SDK1: variants seen among roughly 807,000 people sequenced by gnomAD.
The protein encoded by SDK1 is sidekick cell adhesion molecule 1.
Under a neutral mutation model 245.5 loss-of-function variants are expected in SDK1, and 157 were observed. The ratio of observed to expected loss-of-function variants is 0.64; its 90% CI spans 0.56 to 0.73. The LOEUF (loss-of-function observed/expected upper bound fraction) is 0.73. Among genes scored for constraint, SDK1 ranks in the 30% least tolerant of loss-of-function variants. The pLI is 0.00. For synonymous variants in SDK1, 1,647 were observed against 1,278.5 expected (o/e 1.29, Z -6.15); for missense variants, 3,583 against 3,002.3 (o/e 1.19, Z -4.52).
chr7:3,456,083 T>A (rs1780655778), intron 1 of SDK1, among the ~76,000 whole-genome samples: 1 of 152,234 alleles, frequency 6.6e-6, no homozygotes, highest in Admixed American at 6.5e-5. Flanking sequence ...TGGTTTCTGT[T>A]GAGAAGTCTG....
intron 1 of SDK1, among the ~76,000 whole-genome samples, chr7:3,473,024 C>G (rs998447619): frequency 1.3e-5 from 2 of 152,174 alleles, no homozygotes; most frequent in Non-Finnish European, 2.9e-5. Flanking sequence ...TTTTGCTGCT[C>G]TTCTTCCGCC....
intron 1 of SDK1, among the ~76,000 whole-genome samples, chr7:3,474,330 G>A (rs565266560): frequency 7.9e-5 from 12 of 151,518 alleles, no homozygotes; most frequent in African/African-American, 1.7e-4. Context: ...TCTTGACCTC[G>A]TTGTCCGCCT....
chr7:3,396,165 G>A (rs553832361), intron 1 of SDK1, among the ~76,000 whole-genome samples: 46 of 151,724 alleles, frequency 3.0e-4, no homozygotes, highest in Admixed American at 5.9e-4. Flanking sequence ...CTATTATTCA[G>A]ATTAAAATAC....
At chr7:3,736,192 T>G (rs1333163194) in intron 4 of SDK1, among the ~76,000 whole-genome samples, 6 of 152,246 alleles carry the variant, frequency 3.9e-5, no homozygotes, top group Non-Finnish European at 8.8e-5. Context: ...TTTTAAATTT[T>G]CATGTGGTAC....
At chr7:4,065,018 C>G (rs1779779025) in intron 19 of SDK1, among the ~76,000 whole-genome samples, 2 of 151,924 alleles carry the variant, frequency 1.3e-5, no homozygotes, top group East Asian at 1.9e-4. Context: ...GTGACTACAG[C>G]TAACAATGAT....
At chr7:4,052,024 T>G (rs977920520) in intron 19 of SDK1, among the ~76,000 whole-genome samples, 194 bp downstream of exon 19, 2 of 151,998 alleles carry the variant, frequency 1.3e-5, no homozygotes, top group Admixed American at 6.6e-5. Context: ...ACGTGGACAG[T>G]GGAGGGTGGC....
At chr7:3,513,152 A>C (rs149791423) in intron 1 of SDK1, among the ~76,000 whole-genome samples, 1 of 152,212 alleles carries the variant, frequency 6.6e-6, no homozygotes, top group Non-Finnish European at 1.5e-5. Flanking sequence ...ACTGAGCTCT[A>C]TGTCTGTGAC....
intron 1 of SDK1, among the ~76,000 whole-genome samples, chr7:3,388,401 A>G: frequency 6.6e-6 from 1 of 151,354 alleles, no homozygotes; most frequent in African/African-American, 2.4e-5. Flanking sequence ...AAAAAAAAAA[A>G]GGAAAATTTT....
intron 4 of SDK1, among the ~76,000 whole-genome samples, chr7:3,761,217 C>A (rs904656604): frequency 2.1e-5 from 3 of 141,732 alleles, no homozygotes. Flanking sequence ...TTTCTAATTT[C>A]ATTGAAAAAT....
Position 3,946,159 on chromosome 7 carries a change from C to A in SDK1, c.848-4764C>A, listed in dbSNP as rs565823406. ...TTACCTAGCACAATGTATAAACCCCCCTACACTTAGACACGTTTTATTTTA... is the reference window on the plus strand; with the variant it reads ...TTACCTAGCACAATGTATAAACCCCACTACACTTAGACACGTTTTATTTTA... On this transcript the variant is annotated intron_variant, in intron 5 of 44. Transcript: ENST00000404826. 5.9e-5 allele frequency among the ~76,000 whole-genome samples: 9 copies of A among 151,908 alleles called. No individual in the cohort carries two copies. In the South Asian group the frequency reaches 1.7e-3, roughly 28 times the overall value.
intron 32 of SDK1, among the ~76,000 whole-genome samples, chr7:4,162,794 G>T (rs571389795): frequency 6.6e-6 from 1 of 152,188 alleles, no homozygotes; most frequent in Non-Finnish European, 1.5e-5. Flanking sequence ...GCTCAGCAAT[G>T]CTCCAGTAAG....
At chr7:3,467,969 G>A (rs553270603) in intron 1 of SDK1, among the ~76,000 whole-genome samples, 128 of 104,658 alleles carry the variant, frequency 1.2e-3, no homozygotes, top group African/African-American at 3.5e-3. Context: ...TGTAATCATT[G>A]TTGTCATGTT....
At chr7:4,123,335 T>C (rs1307749616) in intron 25 of SDK1, among the ~76,000 whole-genome samples, 1 of 152,262 alleles carries the variant, frequency 6.6e-6, no homozygotes, top group East Asian at 1.9e-4. Context: ...TACATTTTTT[T>C]TTTAATGTTA....
At chr7:3,738,973 T>C (rs1025567171) in intron 4 of SDK1, among the ~76,000 whole-genome samples, 12 of 152,132 alleles carry the variant, frequency 7.9e-5, no homozygotes, top group Non-Finnish European at 1.3e-4. Flanking sequence ...TTTTTTGTTT[T>C]TTTAAAATAT....
chr7:3,524,264 A>G (rs1260885060), intron 1 of SDK1, among the ~76,000 whole-genome samples: 2 of 152,186 alleles, frequency 1.3e-5, no homozygotes, highest in Non-Finnish European at 2.9e-5. Context: ...ATGACAAGCT[A>G]TAGAGGATGC....
At position 3,731,819 on chromosome 7, in the gene SDK1, G is replaced by C. The variant is rs571741188; in HGVS notation, c.714-89631G>C. 2.5e-3 allele frequency among the ~76,000 whole-genome samples: 378 copies of C among 152,222 alleles called. 3 individuals carry two copies. Among genetic ancestry groups the C allele is most frequent in the African/African-American group, 8.9e-3 (369 of 41,534 alleles). On this transcript the variant is annotated intron_variant, in intron 4 of 44. Transcript: ENST00000404826. ...TTTTATTTTATTTTTTTGAGACAGA[G>C]TCTTGCTCTGTCACCAGGCTGGAGT... is the stretch of plus-strand genomic sequence containing the variant.
chr7:3,642,810 A>G (rs909965047), intron 4 of SDK1: 1 of 152,262 alleles, frequency 6.6e-6, no homozygotes, highest in Non-Finnish European at 1.5e-5. Flanking sequence ...TAAAGACAAT[A>G]TTCCAAACAT....
At chr7:3,500,977 T>A (rs1782189853) in intron 1 of SDK1, among the ~76,000 whole-genome samples, 1 of 152,174 alleles carries the variant, frequency 6.6e-6, no homozygotes. Flanking sequence ...TCTGATAATT[T>A]TAATGATAGA....
intron 28 of SDK1, among the ~76,000 whole-genome samples, chr7:4,144,390 C>G (rs583894): frequency 0.79 from 119,996 of 152,038 alleles, 47,806 homozygotes; most frequent in African/African-American, 0.9. Flanking sequence ...CAGACACCTG[C>G]GCCTAGAGGT....
Sources: allele counts gnomAD v4.1 joint callset (sites outside exome capture counted in the v4.1 genomes callset), GRCh38; gene constraint gnomAD v4.1.1; transcripts MANE v1.5; gene names NCBI Gene and HGNC (gene_info 2026-07-23, HGNC 2026-07-21).